TMTC1: variants seen among roughly 807,000 people sequenced by gnomAD.
TMTC1 encodes transmembrane O-mannosyltransferase targeting cadherins 1.
Under a neutral mutation model 104.8 loss-of-function variants are expected in TMTC1, and 73 were observed. The observed-to-expected ratio is 0.70, with a 90% CI of 0.58 to 0.85. TMTC1 has a LOEUF of 0.85. Among genes scored for constraint, TMTC1 ranks in the 40% least tolerant of loss-of-function variants. The pLI, the probability that TMTC1 is intolerant of heterozygous loss-of-function variation, is 0.00. For synonymous variants in TMTC1, 434 were observed against 428.7 expected (o/e 1.01, Z -0.15); for missense variants, 1,035 against 1,096.1 (o/e 0.94, Z 0.79).
At chr12:29,755,630 A>G in intron 4 of TMTC1, 79 bp downstream of exon 4, 2 of 1,260,218 alleles carry the variant, frequency 1.6e-6, no homozygotes, top group Non-Finnish European at 2.2e-6. Context: ...TATTTTTTAA[A>G]TGGAAGTTTG....
At chr12:29,588,725 T>G (rs935603336) in intron 7 of TMTC1, among the ~76,000 whole-genome samples, 4 of 152,196 alleles carry the variant, frequency 2.6e-5, no homozygotes, top group African/African-American at 9.6e-5. Context: ...GATTTTCATG[T>G]GGGTGGTCAC....
intron 1 of TMTC1, among the ~76,000 whole-genome samples, chr12:29,771,829 G>A (rs1943601216): frequency 6.6e-6 from 1 of 152,152 alleles, no homozygotes; most frequent in Non-Finnish European, 1.5e-5. Flanking sequence ...ATGTAGCTTT[G>A]AGGAAATGGA....
intron 5 of TMTC1, among the ~76,000 whole-genome samples, chr12:29,725,588 T>C (rs928536479): frequency 2.0e-5 from 3 of 152,198 alleles, no homozygotes; most frequent in Admixed American, 6.5e-5. Flanking sequence ...TAGTGAATAA[T>C]TGTGTTTATA....
Position 29,633,252 on chromosome 12 carries a change from G to T in TMTC1, c.1023C>A (p.Gly341=). The part of the protein sequence containing the change: ...PVTLCYDWQV[G]SIPLVETIWD... Reference sequence around the variant, plus strand: ...ATATGGTCTCTACCAGAGGAATACTGCCGACCTGCCAGTCATAGCACAGGG... The same window carrying T: ...ATATGGTCTCTACCAGAGGAATACTTCCGACCTGCCAGTCATAGCACAGGG... Residue 341 remains glycine (G), a synonymous_variant, in exon 6 of 18, where the codon GGC becomes GGA. Transcript: ENST00000539277. 1 of 1,613,970 alleles carries T rather than the reference G, an allele frequency of 6.2e-7. No individual in the cohort carries two copies. The highest frequency in any genetic ancestry group is 8.5e-7 in the Non-Finnish European group (1 of 1,179,996).
intron 1 of TMTC1, among the ~76,000 whole-genome samples, chr12:29,781,878 T>C (rs1943843020): frequency 6.6e-6 from 1 of 152,118 alleles, no homozygotes; most frequent in Non-Finnish European, 1.5e-5. Context: ...GAAAACCTTC[T>C]AGAAAGTCAA....
In TMTC1 at chr12:29,734,650, G is replaced by A. The variant is rs1053095977; in HGVS notation, c.938+17016C>T. 3.3e-5 allele frequency among the ~76,000 whole-genome samples: 5 copies of A among 152,250 alleles called. No individual in the cohort carries two copies. In the East Asian group the frequency reaches 9.7e-4, roughly 30 times the overall value. ...TTTAAGAATATACCACATTTCTCAT[G>A]CCTTTCCTATTGGGCTGCCACACTA... On this transcript the variant is annotated intron_variant, in intron 5 of 17. Coordinates refer to ENST00000539277, the MANE Select transcript of TMTC1 (RefSeq NM_001193451.2).
At chr12:29,558,837 T>C (rs1043262442) in intron 9 of TMTC1, among the ~76,000 whole-genome samples, 11 of 152,164 alleles carry the variant, frequency 7.2e-5, no homozygotes, top group African/African-American at 2.7e-4. Flanking sequence ...TTAGAAGATA[T>C]GAGGCTATGA....
chr12:29,568,142 C>G (rs12827298), intron 9 of TMTC1, among the ~76,000 whole-genome samples: 2 of 152,132 alleles, frequency 1.3e-5, no homozygotes, highest in African/African-American at 4.8e-5. Flanking sequence ...ACATTCTAAT[C>G]AGAAAGATTT....
intron 9 of TMTC1, among the ~76,000 whole-genome samples, chr12:29,565,020 A>T (rs757729472): frequency 2.0e-5 from 3 of 152,150 alleles, no homozygotes; most frequent in African/African-American, 4.8e-5. Context: ...TTCTCCAGAG[A>T]AACAGAAGCA....
intron 11 of TMTC1, chr12:29,534,416 A>G (rs1944586567): frequency 6.6e-6 from 1 of 152,238 alleles, no homozygotes; most frequent in East Asian, 1.9e-4. Context: ...AAAAGTGCTA[A>G]AAGATGGGAC....
chr12:29,659,089 T>C (rs961107985), intron 5 of TMTC1, among the ~76,000 whole-genome samples: 2 of 152,222 alleles, frequency 1.3e-5, no homozygotes, highest in African/African-American at 2.4e-5. Context: ...TTCATTTCTA[T>C]TTGTCACTTC....
intron 5 of TMTC1, among the ~76,000 whole-genome samples, chr12:29,647,429 A>G (rs561656977): frequency 6.6e-6 from 1 of 152,278 alleles, no homozygotes; most frequent in East Asian, 1.9e-4. Flanking sequence ...AACACACAAT[A>G]TATTATTTTA....
intron 10 of TMTC1, among the ~76,000 whole-genome samples, chr12:29,548,957 CAT>C (rs1323330243): frequency 7.2e-6 from 1 of 138,860 alleles, no homozygotes; most frequent in East Asian, 2.0e-4. Flanking sequence ...ATATGTATGA[CAT>C]ATTTAAATAA....
chr12:29,707,522 T>C (rs6487846), intron 5 of TMTC1, among the ~76,000 whole-genome samples: 152,077 of 152,258 alleles, frequency 1, 75,948 homozygotes, highest in Middle Eastern at 1. Context: ...CTCAGCACCA[T>C]CCTTTCTCCT....
In TMTC1 at chr12:29,583,318, C is replaced by G. The variant is rs971995874; in HGVS notation, c.1418+89G>C. The stretch of plus-strand genomic sequence containing the variant: ...AGATAATTTTCCTTAGTAAATACTG[C>G]CAGGCCCATGTTACCTCATTTGTTT... On this transcript the variant is annotated intron_variant, in intron 8 of 17. Transcript: ENST00000539277. The G allele has an allele frequency of 3.1e-6, 4 of 1,276,052 alleles. No individual in the cohort carries two copies. The East Asian group carries it at 1.0e-4, about 32-fold the overall frequency. 79.0% of individuals were successfully genotyped at this position (1,276,052 alleles called of 1,614,324 possible).
At chr12:29,561,469 A>T (rs1001981497) in intron 9 of TMTC1, among the ~76,000 whole-genome samples, 2 of 152,218 alleles carry the variant, frequency 1.3e-5, no homozygotes, top group Non-Finnish European at 2.9e-5. Context: ...GTCTTCTGTC[A>T]TACAAAATAA....
At chr12:29,782,373 T>G (rs574677055) in intron 1 of TMTC1, among the ~76,000 whole-genome samples, 111 of 152,346 alleles carry the variant, frequency 7.3e-4, no homozygotes, top group Non-Finnish European at 1.3e-3. Flanking sequence ...TCAAGAGGCC[T>G]CAGCCTCTCA....
chr12:29,733,947 C>T (rs753673578), intron 5 of TMTC1, among the ~76,000 whole-genome samples: 5 of 152,154 alleles, frequency 3.3e-5, no homozygotes, highest in Non-Finnish European at 5.9e-5. Flanking sequence ...TATTAATGCA[C>T]TTGAAGTTGT....
intron 6 of TMTC1, among the ~76,000 whole-genome samples, chr12:29,613,613 T>A (rs1946903196): frequency 6.6e-6 from 1 of 152,166 alleles, no homozygotes; most frequent in Non-Finnish European, 1.5e-5. Context: ...AAGGATTCAA[T>A]TAAGAACCAA....
Sources: gnomAD v4.1 joint callset for allele counts (sites outside exome capture counted in the v4.1 genomes callset) on GRCh38, gnomAD v4.1.1 for gene constraint, MANE v1.5 for transcripts, NCBI Gene and HGNC (gene_info 2026-07-23, HGNC 2026-07-21) for gene names.